SPMAP2L: variants seen among roughly 807,000 people sequenced by gnomAD.
The protein encoded by SPMAP2L is sperm microtubule associated protein 2 like.
the SPMAP2L span, among the ~76,000 whole-genome samples, chr4:56,620,386 G>GTT: frequency 0.17 from 23,932 of 141,812 alleles, 2,153 homozygotes; most frequent in East Asian, 0.23. Flanking sequence ...TAGCCTTCTA[G>GTT]TTTTTTTTTT....
chr4:56,531,744 T>G, the SPMAP2L span, among the ~76,000 whole-genome samples: 31,561 of 152,108 alleles, frequency 0.21, 3,771 homozygotes, highest in East Asian at 0.5. Flanking sequence ...TGGGACTTGG[T>G]TATAAACATC....
At chr4:56,538,944 A>G in the SPMAP2L span, among the ~76,000 whole-genome samples, 2 of 152,236 alleles carry the variant, frequency 1.3e-5, no homozygotes, top group Non-Finnish European at 2.9e-5. Flanking sequence ...TATTTATATA[A>G]TATTTACAAA....
At chr4:56,580,037 C>T in the SPMAP2L span, among the ~76,000 whole-genome samples, 1 of 152,104 alleles carries the variant, frequency 6.6e-6, no homozygotes, top group Non-Finnish European at 1.5e-5. Context: ...TTCAAACTCT[C>T]AAAAAATCAG....
chr4:56,530,904 T>C, the SPMAP2L span: 2 of 1,534,990 alleles, frequency 1.3e-6, no homozygotes, highest in South Asian at 1.2e-5. Flanking sequence ...CCGAGGAATG[T>C]GATGAGCCTC....
At chr4:56,582,693 G>A in the SPMAP2L span, among the ~76,000 whole-genome samples, 1 of 152,102 alleles carries the variant, frequency 6.6e-6, no homozygotes, top group South Asian at 2.1e-4. Flanking sequence ...TATTATATAA[G>A]CCAGCAATTA....
the SPMAP2L span, chr4:56,593,708 G>T: frequency 2.0e-3 from 3,238 of 1,588,670 alleles, 62 homozygotes; most frequent in African/African-American, 0.038. Flanking sequence ...AATGGTGGGG[G>T]CAACAAGAGA....
At chr4:56,539,543 T>C in the SPMAP2L span, among the ~76,000 whole-genome samples, 1 of 152,168 alleles carries the variant, frequency 6.6e-6, no homozygotes, top group Non-Finnish European at 1.5e-5. Context: ...TGCCTCAGCC[T>C]CCTGAGTAGC....
chr4:56,609,859 G>A, the SPMAP2L span, among the ~76,000 whole-genome samples: 1 of 152,170 alleles, frequency 6.6e-6, no homozygotes, highest in South Asian at 2.1e-4. Context: ...TTCCCAGGCT[G>A]TAGAACTGTG....
At chr4:56,607,653 A>G in the SPMAP2L span, among the ~76,000 whole-genome samples, 1 of 152,212 alleles carries the variant, frequency 6.6e-6, no homozygotes, top group South Asian at 2.1e-4. Flanking sequence ...CAATCTTCTT[A>G]GAGATTACTT....
chr4:56,576,447 C>T, the SPMAP2L span, among the ~76,000 whole-genome samples: 1 of 152,134 alleles, frequency 6.6e-6, no homozygotes, highest in African/African-American at 2.4e-5. Flanking sequence ...ATTGACAGGG[C>T]AGCAGACGTC....
chr4:56,551,240 G>A, the SPMAP2L span, among the ~76,000 whole-genome samples: 1 of 152,178 alleles, frequency 6.6e-6, no homozygotes, highest in Non-Finnish European at 1.5e-5. Context: ...ATACATTGAA[G>A]CATTTCCTTT....
chr4:56,612,728 G>A, the SPMAP2L span, among the ~76,000 whole-genome samples: 1 of 152,152 alleles, frequency 6.6e-6, no homozygotes, highest in East Asian at 1.9e-4. Context: ...CTCCACGCCC[G>A]GCTAATTTTT....
At chr4:56,573,247 C>T in the SPMAP2L span, among the ~76,000 whole-genome samples, 2 of 152,104 alleles carry the variant, frequency 1.3e-5, no homozygotes, top group Non-Finnish European at 2.9e-5. Context: ...ATAACATATA[C>T]ACTTCTCTTG....
At chr4:56,583,141 G>T in the SPMAP2L span, among the ~76,000 whole-genome samples, 1 of 152,226 alleles carries the variant, frequency 6.6e-6, no homozygotes, top group East Asian at 1.9e-4. Context: ...AGGCATGGTG[G>T]TGTGTGCCTG....
chr4:56,594,069 C>G, the SPMAP2L span: 1 of 1,609,986 alleles, frequency 6.2e-7, no homozygotes, highest in Non-Finnish European at 8.5e-7. Flanking sequence ...CTTGGTATTT[C>G]TCTTGATGAA....
chr4:56,566,695 C>CTTTTTTTTTTTTTTTTTTTT, the SPMAP2L span, among the ~76,000 whole-genome samples: 14 of 92,446 alleles, frequency 1.5e-4, no homozygotes, highest in South Asian at 3.8e-4. Context: ...TTTTCTTTTT[C>CTTTTTTTTTTTTTTTTTTTT]TTTTTTTTTT....
the SPMAP2L span, among the ~76,000 whole-genome samples, chr4:56,556,759 G>A: frequency 6.6e-6 from 1 of 152,166 alleles, no homozygotes; most frequent in South Asian, 2.1e-4. Flanking sequence ...TGTAATTCCA[G>A]CTACTTGAGA....
the SPMAP2L span, among the ~76,000 whole-genome samples, chr4:56,604,613 G>T: frequency 6.6e-6 from 1 of 151,400 alleles, no homozygotes; most frequent in Non-Finnish European, 1.5e-5. Context: ...AGCCGAGATT[G>T]CACCACTGCA....
the SPMAP2L span, among the ~76,000 whole-genome samples, chr4:56,581,905 A>G: frequency 6.6e-6 from 1 of 152,166 alleles, no homozygotes; most frequent in Admixed American, 6.5e-5. Context: ...AAGAGTGTCA[A>G]GATAGTTTAA....
Sources: allele counts gnomAD v4.1 joint callset (sites outside exome capture counted in the v4.1 genomes callset), GRCh38; gene constraint gnomAD v4.1.1; transcripts MANE v1.5; gene names NCBI Gene and HGNC (gene_info 2026-07-23, HGNC 2026-07-21).